Variants in CDKAL1 observed in about 807,000 individuals in gnomAD.
The protein encoded by CDKAL1 is threonylcarbamoyladenosine tRNA methylthiotransferase.
CDKAL1 carries 32 observed loss-of-function variants against 68.2 expected under a neutral mutation model. The ratio of observed to expected loss-of-function variants is 0.47; its 90% CI spans 0.35 to 0.63. CDKAL1 has a LOEUF of 0.63. CDKAL1 is among the 30% of genes least tolerant of loss of function. The pLI, the probability that CDKAL1 is intolerant of heterozygous loss-of-function variation, is 0.00. For synonymous variants in CDKAL1, 234 were observed against 244.3 expected (o/e 0.96, Z 0.39); for missense variants, 606 against 696.7 (o/e 0.87, Z 1.47).
At chr6:20,991,706 CAAAAA>C (rs35504365) in intron 10 of CDKAL1, among the ~76,000 whole-genome samples, 11 of 59,624 alleles carry the variant, frequency 1.8e-4, no homozygotes, top group Admixed American at 1.4e-3. Flanking sequence ...TATTCCCTCT[CAAAAA>C]AAAAAAAAAA....
intron 13 of CDKAL1, among the ~76,000 whole-genome samples, chr6:21,188,105 T>C (rs942415342): frequency 1.3e-5 from 2 of 152,210 alleles, no homozygotes; most frequent in African/African-American, 4.8e-5. Flanking sequence ...TCTTACTGTT[T>C]TGTAAAGGCT....
chr6:21,105,481 A>G (rs1303615499), intron 12 of CDKAL1, among the ~76,000 whole-genome samples: 1 of 152,224 alleles, frequency 6.6e-6, no homozygotes, highest in East Asian at 1.9e-4. Context: ...ACAGCTCTGA[A>G]ATAGGGAAAC....
chr6:20,579,034 G>A (rs1765030202), intron 4 of CDKAL1, among the ~76,000 whole-genome samples: 3 of 152,198 alleles, frequency 2.0e-5, no homozygotes. Flanking sequence ...CTGGAGTGCA[G>A]CAGCGCAATC....
intron 13 of CDKAL1, among the ~76,000 whole-genome samples, chr6:21,140,415 G>C (rs952073255): frequency 6.6e-6 from 1 of 152,172 alleles, no homozygotes; most frequent in African/African-American, 2.4e-5. Context: ...CATCTTGGAC[G>C]TGCCTGATGT....
chr6:21,024,193 A>C (rs1374066392), intron 11 of CDKAL1, among the ~76,000 whole-genome samples: 1 of 152,228 alleles, frequency 6.6e-6, no homozygotes, highest in African/African-American at 2.4e-5. Context: ...CAATAGTATA[A>C]ATATTAGAAG....
intron 11 of CDKAL1, among the ~76,000 whole-genome samples, chr6:21,002,540 A>G (rs12195827): frequency 0.074 from 11,287 of 152,124 alleles, 582 homozygotes; most frequent in Non-Finnish European, 0.12. Flanking sequence ...CAACCCTGGT[A>G]TATAATTTCA....
intron 7 of CDKAL1, among the ~76,000 whole-genome samples, chr6:20,761,738 G>C (rs777439876): frequency 2.6e-5 from 4 of 152,164 alleles, no homozygotes; most frequent in Non-Finnish European, 5.9e-5. Context: ...AGGAGTAAAC[G>C]GATCAGTTGG....
At chr6:21,199,750 A>G (rs978854307) in intron 14 of CDKAL1, among the ~76,000 whole-genome samples, 2 of 152,332 alleles carry the variant, frequency 1.3e-5, no homozygotes, top group Middle Eastern at 3.4e-3. Context: ...AGTTTGGTCT[A>G]GAGATTTTCT....
rs70990044 is a variant in CDKAL1, at chr6:20,550,860, CTTTTTT to C, written c.286+2174_286+2179del. Among the ~76,000 whole-genome samples the C allele has an allele frequency of 4.1e-5, 3 of 72,908 alleles. No homozygotes were observed. The East Asian group carries it at 1.3e-3, about 32-fold the overall frequency. The allele number at this position is 72,908 out of a possible 152,430, so 47.8% of individuals were successfully genotyped here. On this transcript the variant is annotated intron_variant, in intron 4 of 15. Transcript: ENST00000274695. ...ACAGTTGAGAAAGGAGAGGTTGTGTCTTTTTTTTTTTTTTTTTTTTTTTTGAGACAG... is the reference window on the plus strand; with the variant it reads ...ACAGTTGAGAAAGGAGAGGTTGTGTCTTTTTTTTTTTTTTTTTTGAGACAG...
chr6:21,080,263 A>C (rs1772315960), intron 12 of CDKAL1, among the ~76,000 whole-genome samples: 1 of 152,160 alleles, frequency 6.6e-6, no homozygotes, highest in African/African-American at 2.4e-5. Flanking sequence ...TGGGTTGTCT[A>C]CCATCTTGAA....
chr6:21,201,942 C>G (rs949475379), intron 15 of CDKAL1, among the ~76,000 whole-genome samples: 1 of 148,960 alleles, frequency 6.7e-6, no homozygotes, highest in African/African-American at 2.5e-5. Flanking sequence ...TTCTCCAACA[C>G]AATTGTTAAG....
intron 15 of CDKAL1, among the ~76,000 whole-genome samples, chr6:21,222,310 T>A (rs1000163394): frequency 2.0e-5 from 3 of 152,198 alleles, no homozygotes; most frequent in Admixed American, 6.6e-5. Flanking sequence ...GCATGAATAA[T>A]GTCTGATGTA....
At chr6:20,594,817 C>T (rs796829370) in intron 4 of CDKAL1, among the ~76,000 whole-genome samples, 7 of 152,248 alleles carry the variant, frequency 4.6e-5, no homozygotes, top group African/African-American at 1.2e-4. Flanking sequence ...GTGGCTGGTA[C>T]TGGTTTTTCC....
intron 4 of CDKAL1, among the ~76,000 whole-genome samples, chr6:20,572,197 T>C (rs1764731284): frequency 6.6e-6 from 1 of 152,156 alleles, no homozygotes; most frequent in African/African-American, 2.4e-5. Context: ...ACTAAATTCA[T>C]TGGTTATTAG....
At chr6:20,721,991 A>C (rs894469593) in intron 5 of CDKAL1, among the ~76,000 whole-genome samples, 10 of 152,012 alleles carry the variant, frequency 6.6e-5, no homozygotes, top group Non-Finnish European at 1.2e-4. Context: ...TTGGCCTCCC[A>C]AAATGCTGGG....
intron 4 of CDKAL1, among the ~76,000 whole-genome samples, chr6:20,612,747 T>A (rs1766674705): frequency 6.6e-6 from 1 of 152,150 alleles, no homozygotes; most frequent in Non-Finnish European, 1.5e-5. Flanking sequence ...TAGCTTGATG[T>A]AAAACCATTT....
chr6:20,802,616 G>A (rs983396213), intron 8 of CDKAL1, among the ~76,000 whole-genome samples: 1 of 151,922 alleles, frequency 6.6e-6, no homozygotes, highest in African/African-American at 2.4e-5. Flanking sequence ...TTCAACATAA[G>A]CATTCTTTCC....
chr6:20,956,602 A>G, intron 10 of CDKAL1, among the ~76,000 whole-genome samples: 1 of 152,234 alleles, frequency 6.6e-6, no homozygotes, highest in East Asian at 1.9e-4. Context: ...ATAACATCCC[A>G]AAAAGCTAAA....
chr6:21,072,818 G>A (rs1021028767), intron 12 of CDKAL1, among the ~76,000 whole-genome samples: 2 of 151,650 alleles, frequency 1.3e-5, no homozygotes, highest in Admixed American at 1.3e-4. Context: ...TACAATCAAC[G>A]AACCTACATT....
Sources: allele counts gnomAD v4.1 joint callset (sites outside exome capture counted in the v4.1 genomes callset), GRCh38; gene constraint gnomAD v4.1.1; transcripts MANE v1.5; gene names NCBI Gene and HGNC (gene_info 2026-07-23, HGNC 2026-07-21).